Variants in TENM3 observed in about 807,000 individuals in gnomAD.
TENM3 encodes teneurin-3.
In TENM3, 63 loss-of-function variants were observed where a neutral mutation model predicts 255.1. That is an observed-to-expected ratio of 0.25 (90% confidence interval 0.20 to 0.30). TENM3 has a LOEUF of 0.30. Ranked by LOEUF, TENM3 falls within the 10% of genes least tolerant of loss-of-function variation. The pLI is 1.00. For synonymous variants in TENM3, 1,306 were observed against 1,322.3 expected (o/e 0.99, Z 0.27); for missense variants, 2,929 against 3,461.1 (o/e 0.85, Z 3.86).
At chr4:181,555,395 T>A in the TENM3 span, among the ~76,000 whole-genome samples, 2 of 152,218 alleles carry the variant, frequency 1.3e-5, no homozygotes, top group African/African-American at 4.8e-5. Context: ...AGTACCATAC[T>A]TGGCATTCTG....
chr4:181,916,553 G>C, the TENM3 span, among the ~76,000 whole-genome samples: 1 of 152,030 alleles, frequency 6.6e-6, no homozygotes, highest in African/African-American at 2.4e-5. Context: ...GACACAAATA[G>C]AAATGGAGAA....
At chr4:182,011,840 G>A in the TENM3 span, among the ~76,000 whole-genome samples, 5 of 152,270 alleles carry the variant, frequency 3.3e-5, no homozygotes, top group South Asian at 2.1e-4. Context: ...GTGATGCTGC[G>A]TGACTTTCAA....
rs34681777 is a variant in TENM3, at chr4:182,590,538, C to CAAAAAAAAAAAAA, written c.512-10375_512-10363dup. ...CCAGCAATAGAGCGAGACCCTGTCT[C>CAAAAAAAAAAAAA]AAAAAAAAAAAAAAAAAAAAAAAGA... On this transcript the variant is annotated intron_variant, in intron 3 of 27. Coordinates refer to ENST00000511685, the MANE Select transcript of TENM3 (RefSeq NM_001080477.4). 1.0e-3 allele frequency among the ~76,000 whole-genome samples: 81 copies of CAAAAAAAAAAAAA among 79,720 alleles called. 2 individuals are homozygous for CAAAAAAAAAAAAA. Among genetic ancestry groups the CAAAAAAAAAAAAA allele is most frequent in the Middle Eastern group, 0.014 (1 of 72 alleles). The allele number at this position is 79,720 out of a possible 152,430, so 52.3% of individuals were successfully genotyped here. A position where few individuals can be genotyped will look rare whatever the true frequency, so the allele number is the denominator to read the frequency against.
chr4:182,652,307 G>T (rs887247765), intron 5 of TENM3, among the ~76,000 whole-genome samples: 4 of 152,114 alleles, frequency 2.6e-5, no homozygotes, highest in African/African-American at 7.2e-5. Flanking sequence ...TTCCTGTCAG[G>T]GAGAAGCATT....
chr4:181,621,165 T>A, the TENM3 span, among the ~76,000 whole-genome samples: 1 of 152,170 alleles, frequency 6.6e-6, no homozygotes, highest in African/African-American at 2.4e-5. Flanking sequence ...AACTGGAATG[T>A]GGATGAAATT....
At chr4:182,693,449 G>A (rs1757160093) in intron 12 of TENM3, among the ~76,000 whole-genome samples, 1 of 151,592 alleles carries the variant, frequency 6.6e-6, no homozygotes, top group South Asian at 2.1e-4. Context: ...TGATTCTCCT[G>A]CCTCAGCCTC....
chr4:182,408,953 G>T (rs924573986), intron 3 of TENM3, among the ~76,000 whole-genome samples: 5 of 152,206 alleles, frequency 3.3e-5, no homozygotes, highest in African/African-American at 1.2e-4. Context: ...ACAAAGCAGC[G>T]AAGAGGCAGA....
the TENM3 span, among the ~76,000 whole-genome samples, chr4:182,098,812 G>T: frequency 6.6e-6 from 1 of 152,218 alleles, no homozygotes; most frequent in Admixed American, 6.5e-5. Flanking sequence ...ATAATAACTA[G>T]AAGAATAGAA....
At chr4:181,763,112 C>T in the TENM3 span, among the ~76,000 whole-genome samples, 1 of 151,948 alleles carries the variant, frequency 6.6e-6, no homozygotes, top group Non-Finnish European at 1.5e-5. Flanking sequence ...ATATTTGAAA[C>T]AAAAATAGGA....
intron 1 of TENM3, among the ~76,000 whole-genome samples, chr4:182,196,886 G>A (rs115493940): frequency 0.011 from 1,645 of 152,144 alleles, 26 homozygotes; most frequent in African/African-American, 0.038. Flanking sequence ...TCCTGCACTG[G>A]TCCTTCTTGT....
chr4:182,354,340 G>T (rs1307214373), intron 3 of TENM3, among the ~76,000 whole-genome samples: 3 of 152,124 alleles, frequency 2.0e-5, no homozygotes, highest in African/African-American at 4.8e-5. Flanking sequence ...ATGTGTTTTT[G>T]ATATCCTTGA....
chr4:181,591,947 G>GA, the TENM3 span, among the ~76,000 whole-genome samples: 1,450 of 124,404 alleles, frequency 0.012, 7 homozygotes, highest in Non-Finnish European at 0.018. Flanking sequence ...TATGCTGAGT[G>GA]AAAAAAGCCA....
chr4:181,695,380 C>T, the TENM3 span, among the ~76,000 whole-genome samples: 1 of 152,184 alleles, frequency 6.6e-6, no homozygotes, highest in African/African-American at 2.4e-5. Context: ...AATTCAAAAT[C>T]ATGAGTAATC....
At chr4:181,910,290 G>C in the TENM3 span, among the ~76,000 whole-genome samples, 1 of 151,896 alleles carries the variant, frequency 6.6e-6, no homozygotes, top group African/African-American at 2.4e-5. Context: ...ATACAGGCCG[G>C]GTGCAGTGGC....
Position 182,600,945 on chromosome 4 carries a change from G to C in TENM3, c.533G>C (p.Gly178Ala). 1 of 1,352,484 alleles carries C rather than the reference G, an allele frequency of 7.4e-7. No individual in the cohort carries two copies. The highest frequency in any genetic ancestry group is 2.0e-4 in the Middle Eastern group (1 of 4,998). The allele number at this position is 1,352,484 out of a possible 1,614,324, so 83.8% of individuals were successfully genotyped here. Reference sequence around the variant, plus strand: ...TCAGAGCAACCTGCAAGCAATCAAGGCCAGTCTACCCTGCAGCCCTTGCCG... The same window carrying C: ...TCAGAGCAACCTGCAAGCAATCAAGCCCAGTCTACCCTGCAGCCCTTGCCG... ...SENEQPASNQGQSTLQPLPPS... is the reference protein window; with the variant it reads ...SENEQPASNQAQSTLQPLPPS... The change falls in exon 4 of 28, where the codon GGC becomes GCC. Residue 178 changes from glycine to alanine, a missense_variant. By Grantham distance (60) the Gly-to-Ala change is moderately conservative. This residue lies in a region of TENM3 where 283 missense variants were observed against 256.9 expected (regional missense o/e 1.10). Transcript: ENST00000511685.
chr4:181,791,440 A>T, the TENM3 span, among the ~76,000 whole-genome samples: 5 of 152,254 alleles, frequency 3.3e-5, no homozygotes, highest in African/African-American at 9.6e-5. Context: ...AAACATGAAG[A>T]TAAAGTTGAA....
intron 3 of TENM3, among the ~76,000 whole-genome samples, chr4:182,539,488 G>C (rs1740654994): frequency 6.6e-6 from 1 of 152,020 alleles, no homozygotes; most frequent in Non-Finnish European, 1.5e-5. Context: ...GAATAACATG[G>C]TATCTGTATG....
chr4:181,593,131 C>A, the TENM3 span, among the ~76,000 whole-genome samples: 10 of 152,172 alleles, frequency 6.6e-5, no homozygotes, highest in African/African-American at 2.4e-4. Flanking sequence ...TCCAGTTATG[C>A]CACAATCACT....
chr4:182,603,765 TTATA>T lies in TENM3; in HGVS notation c.749+2621_749+2624del, dbSNP rs760690038. 2.8e-4 allele frequency among the ~76,000 whole-genome samples: 27 copies of T among 95,566 alleles called. 1 individual carries two copies. The highest frequency in any genetic ancestry group is 1.5e-4 in the Admixed American group (1 of 6,868). The allele number at this position is 95,566 out of a possible 152,430, so 62.7% of individuals were successfully genotyped here. On this transcript the variant is annotated intron_variant, in intron 4 of 27. Transcript: ENST00000511685. ...GTATTGTTTCATCTTTGGCAATTAT[TTATA>T]TATATATATATATATACACACACAC... is the stretch of plus-strand genomic sequence containing the variant.
Sources: gnomAD v4.1 joint callset for allele counts (sites outside exome capture counted in the v4.1 genomes callset) on GRCh38, gnomAD v4.1.1 for gene constraint, gnomAD v4.1.1 regional missense constraint, MANE v1.5 for transcripts, NCBI Gene and HGNC (gene_info 2026-07-23, HGNC 2026-07-21) for gene names.